ADCY9: variants seen among roughly 807,000 people sequenced by gnomAD.
The protein encoded by ADCY9 is adenylate cyclase type 9.
In ADCY9, 50 loss-of-function variants were observed where a neutral mutation model predicts 101.5. That is an observed-to-expected ratio of 0.49 (90% CI 0.39 to 0.62). The LOEUF (loss-of-function observed/expected upper bound fraction) is 0.62. ADCY9 is among the 20% of genes least tolerant of loss of function. ADCY9 has a pLI of 0.00. For synonymous variants in ADCY9, 905 were observed against 769.3 expected (o/e 1.18, Z -2.92); for missense variants, 1,662 against 1,800.4 (o/e 0.92, Z 1.39).
chr16:4,086,557 T>C (rs2056940096), intron 2 of ADCY9, among the ~76,000 whole-genome samples: 1 of 152,114 alleles, frequency 6.6e-6, no homozygotes, highest in South Asian at 2.1e-4. Flanking sequence ...TCATGAAACA[T>C]AATCTACTTA....
chr16:4,093,701 A>G (rs941267096), intron 2 of ADCY9, among the ~76,000 whole-genome samples: 2 of 152,190 alleles, frequency 1.3e-5, no homozygotes, highest in Non-Finnish European at 2.9e-5. Flanking sequence ...GGAGGCTGCA[A>G]TGAGCTGAGA....
chr16:4,046,795 C>T (rs1256636934), intron 2 of ADCY9, among the ~76,000 whole-genome samples: 2 of 152,052 alleles, frequency 1.3e-5, no homozygotes, highest in Non-Finnish European at 2.9e-5. Flanking sequence ...AGTTCGAGAC[C>T]AGCCTGGGCA....
intron 2 of ADCY9, among the ~76,000 whole-genome samples, chr16:4,099,843 G>C (rs145153296): frequency 6.6e-6 from 1 of 152,346 alleles, no homozygotes; most frequent in East Asian, 1.9e-4. Context: ...CTTGAGCCCA[G>C]GAGTTTGAGA....
At chr16:4,098,975 C>A (rs539346865) in intron 2 of ADCY9, among the ~76,000 whole-genome samples, 2 of 152,102 alleles carry the variant, frequency 1.3e-5, no homozygotes, top group Non-Finnish European at 2.9e-5. Flanking sequence ...CCGTGTCACC[C>A]AGGCTGGAGT....
rs1001756943 is a variant in ADCY9 at position 4,115,561 on chromosome 16, T to C, written c.-43-76A>G. 5 of 1,278,454 alleles carry C rather than the reference T, an allele frequency of 3.9e-6. No homozygotes were observed. In the Middle Eastern group the frequency reaches 8.2e-4, roughly 211 times the overall value. 79.2% of individuals were successfully genotyped at this position (1,278,454 alleles called of 1,614,324 possible). On this transcript the variant is annotated intron_variant, in intron 1 of 10. Transcript: ENST00000294016. The surrounding 1 kb of genome is among the most constrained non-coding windows in gnomAD (Gnocchi z 6.2). Reference sequence around the variant, plus strand: ...CCTAGAGGCCCGGGACCTGCTCCTGTCCTAAGGGGCGGCTCCAGCACGCGA... The same window carrying C: ...CCTAGAGGCCCGGGACCTGCTCCTGCCCTAAGGGGCGGCTCCAGCACGCGA...
At chr16:4,045,392 C>T (rs1265593262) in intron 2 of ADCY9, among the ~76,000 whole-genome samples, 5 of 151,750 alleles carry the variant, frequency 3.3e-5, no homozygotes, top group African/African-American at 7.3e-5. Flanking sequence ...GTCAGGAGTT[C>T]GCGACCAGCC....
intron 9 of ADCY9, 74 bp from the exon 10 acceptor site, chr16:3,974,784 T>A (rs2056080514): frequency 1.6e-6 from 2 of 1,214,482 alleles, no homozygotes; most frequent in African/African-American, 3.0e-5. Context: ...TGAGAAGAGC[T>A]TGAACAAACT....
intron 2 of ADCY9, among the ~76,000 whole-genome samples, chr16:4,108,359 C>CCTTTTT (rs1491172269): frequency 1.9e-5 from 1 of 53,492 alleles, no homozygotes; most frequent in Non-Finnish European, 3.9e-5. Context: ...ACCGTTTCTT[C>CCTTTTT]ATTTTTTTTT....
At chr16:4,111,138 G>C (rs1312855559) in intron 2 of ADCY9, among the ~76,000 whole-genome samples, 4 of 152,220 alleles carry the variant, frequency 2.6e-5, no homozygotes, top group African/African-American at 9.6e-5. Context: ...GCTTCCTTCT[G>C]TGCTCCCAGG....
At chr16:4,098,954 CAG>C (rs1306618683) in intron 2 of ADCY9, among the ~76,000 whole-genome samples, 3 of 151,874 alleles carry the variant, frequency 2.0e-5, no homozygotes, top group Non-Finnish European at 2.9e-5. Flanking sequence ...TTTTTGGAGA[CAG>C]AGTTCTCACC....
At chr16:4,103,657 C>A (rs1008761524) in intron 2 of ADCY9, among the ~76,000 whole-genome samples, 1 of 152,144 alleles carries the variant, frequency 6.6e-6, no homozygotes, top group South Asian at 2.1e-4. Context: ...TGGCGAAACC[C>A]CGTCTCTACC....
chr16:4,087,137 T>C (rs1403765635), intron 2 of ADCY9, among the ~76,000 whole-genome samples: 2 of 152,074 alleles, frequency 1.3e-5, no homozygotes, highest in African/African-American at 4.8e-5. Flanking sequence ...TTGGTGAGCG[T>C]TTCTACATTT....
chr16:3,999,757 C>T (rs769490959), intron 3 of ADCY9, among the ~76,000 whole-genome samples: 7 of 152,334 alleles, frequency 4.6e-5, no homozygotes, highest in South Asian at 2.1e-4. Flanking sequence ...CCCATGTGGA[C>T]GTGGGCTTTG....
chr16:3,966,351 C>T lies in ADCY9; in HGVS notation c.3486G>A (p.Lys1162=). Residue 1162 remains lysine, a synonymous_variant, in exon 11 of 11, where the codon AAG becomes AAA. Transcript: ENST00000294016. ...GCCCATGGTTGAAGCCGACGCGGAGCTTGAAGTTGAACCACAGCATGTTGT... is the reference window on the plus strand; with the variant it reads ...GCCCATGGTTGAAGCCGACGCGGAGTTTGAAGTTGAACCACAGCATGTTGT... ...FNNNMLWFNF[K]LRVGFNHGPL... The T allele has an allele frequency of 6.2e-7, 1 of 1,614,128 alleles. No individual in the cohort carries two copies.
intron 2 of ADCY9, among the ~76,000 whole-genome samples, chr16:4,057,162 G>C (rs1298025100): frequency 6.6e-6 from 1 of 151,586 alleles, no homozygotes; most frequent in East Asian, 1.9e-4. Flanking sequence ...TGTTTAAAGA[G>C]AAGCGTCTGG....
chr16:4,112,651 T>A (rs2057121272), intron 2 of ADCY9, among the ~76,000 whole-genome samples: 1 of 152,038 alleles, frequency 6.6e-6, no homozygotes. Context: ...TCCTGAGGCT[T>A]TTAACTGTTT....
chr16:4,113,359 T>C (rs1183652675), intron 2 of ADCY9, among the ~76,000 whole-genome samples: 2 of 152,130 alleles, frequency 1.3e-5, no homozygotes, highest in African/African-American at 2.4e-5. Context: ...AGAGAAACAT[T>C]TGGATGGGAC....
At chr16:4,023,567 T>C (rs1376869401) in intron 2 of ADCY9, among the ~76,000 whole-genome samples, 2 of 152,002 alleles carry the variant, frequency 1.3e-5, no homozygotes, top group Non-Finnish European at 2.9e-5. Flanking sequence ...GGGAAGAAAG[T>C]GTGGCATGAG....
intron 2 of ADCY9, among the ~76,000 whole-genome samples, chr16:4,014,873 AG>A (rs1179559642): frequency 1.3e-5 from 2 of 149,764 alleles, no homozygotes; most frequent in Non-Finnish European, 3.0e-5. Context: ...ATGGCTAAAC[AG>A]CTGCCATCAC....
Sources: gnomAD v4.1 joint callset for allele counts (sites outside exome capture counted in the v4.1 genomes callset) on GRCh38, gnomAD v4.1.1 for gene constraint, Gnocchi (gnomAD v3.1) non-coding constraint, MANE v1.5 for transcripts, NCBI Gene and HGNC (gene_info 2026-07-23, HGNC 2026-07-21) for gene names.